The following PCDHGB7 variants were observed in gnomAD, a reference collection of about 807,000 sequenced individuals.
PCDHGB7 encodes the protein protocadherin gamma subfamily B, 7, also known as protocadherin gamma-B7.
PCDHGB7 carries 37 observed loss-of-function variants against 61.4 expected under a neutral mutation model. The ratio of observed to expected loss-of-function variants is 0.60; its 90% CI spans 0.46 to 0.79. The LOEUF (loss-of-function observed/expected upper bound fraction) is 0.79. Among genes scored for constraint, PCDHGB7 ranks in the 30% least tolerant of loss-of-function variants. PCDHGB7 has a pLI of 0.00. For synonymous variants in PCDHGB7, 464 were observed against 503.5 expected, an observed-to-expected ratio of 0.92 and a Z score of 1.05; for missense variants, 1,166 against 1,202.5, an observed-to-expected ratio of 0.97 and a Z score of 0.45.
At chr5:141,447,163 G>T (rs11167747) in intron 1 of PCDHGB7, among the ~76,000 whole-genome samples, 6,233 of 151,894 alleles carry the variant, frequency 0.041, 196 homozygotes, top group Admixed American at 0.075. Flanking sequence ...TGTTTAAGCG[G>T]GGTCTTGCTC....
intron 1 of PCDHGB7, chr5:141,428,180 C>G (rs780780274): frequency 1.3e-6 from 2 of 1,486,274 alleles, no homozygotes; most frequent in East Asian, 2.3e-5. Flanking sequence ...TGACGGAGGA[C>G]AGCCGCCGCT....
Position 141,418,890 on chromosome 5 carries a change from G to C in PCDHGB7, c.1031G>C (p.Ser344Thr), listed in dbSNP as rs1449142412. 6.2e-7 allele frequency: 1 copy of C among 1,613,934 alleles called. No individual in the cohort carries two copies. Among genetic ancestry groups the C allele is most frequent in the South Asian group, 1.1e-5 (1 of 91,078 alleles). ...IVEVVDENDN[S>T]PEIIITSLSD... ...GAAGTTGTAGACGAAAACGACAACA[G>C]CCCAGAAATAATCATCACGTCACTC... is the stretch of plus-strand genomic sequence containing the variant. Residue 344 changes from serine (S) to threonine (T), a missense_variant, in exon 1 of 4, where the codon AGC becomes ACC. Physicochemically the swap from Ser to Thr is moderately conservative, Grantham distance 58 (BLOSUM62 1). Transcript: ENST00000398594.
At chr5:141,483,753 G>A (rs1316976446) in intron 1 of PCDHGB7, among the ~76,000 whole-genome samples, 1 of 152,082 alleles carries the variant, frequency 6.6e-6, no homozygotes, top group Non-Finnish European at 1.5e-5. Flanking sequence ...CCTGAGGATC[G>A]AGGCTTGGAA....
At chr5:141,484,075 C>G (rs1397285710) in intron 1 of PCDHGB7, among the ~76,000 whole-genome samples, 2 of 152,084 alleles carry the variant, frequency 1.3e-5, no homozygotes, top group African/African-American at 4.8e-5. Context: ...AAAGCTTGCT[C>G]TTTTGAAATG....
At chr5:141,445,134 A>T (rs900226020) in intron 1 of PCDHGB7, among the ~76,000 whole-genome samples, 1 of 152,198 alleles carries the variant, frequency 6.6e-6, no homozygotes, top group East Asian at 1.9e-4. Context: ...TTAAAATTGT[A>T]TCTTCTAATT....
rs369323252 is a variant in PCDHGB7 at position 141,487,658 on chromosome 5, G to T, written c.2416-7149G>T. ...TCAACAAATGCTTGAGGGTTATTCT[G>T]ATCCAGGCATATGGCTAGGCCATGT... On this transcript the variant is annotated intron_variant, in intron 1 of 3. Coordinates refer to ENST00000398594, the MANE Select transcript of PCDHGB7 (RefSeq NM_018927.4). This position sits in a 1 kb window ranked among gnomAD's most constrained non-coding sequence, Gnocchi z 5.0. The T allele has an allele frequency of 8.7e-5, 140 of 1,613,508 alleles. No individual in the cohort carries two copies. The highest frequency in any genetic ancestry group is 1.1e-4 in the Non-Finnish European group (134 of 1,179,802).
rs759756007 is a variant in PCDHGB7 at position 141,476,248 on chromosome 5, T to C, written c.2416-18559T>C. 2 of 1,613,856 alleles carry C rather than the reference T, an allele frequency of 1.2e-6. No individual in the cohort carries two copies. Among genetic ancestry groups the C allele is most frequent in the South Asian group, 2.2e-5 (2 of 91,050 alleles). On this transcript the variant is annotated intron_variant, in intron 1 of 3. Transcript: ENST00000398594. The surrounding 1 kb of genome is among the most constrained non-coding windows in gnomAD (Gnocchi z 7.6). The stretch of plus-strand genomic sequence containing the variant: ...AGATCCCGGAGGAAAGAGAGAAGGG[T>C]TTCGCTGTGGGCAACGTGGTCGCGA...
At chr5:141,478,941 A>C (rs889484528) in intron 1 of PCDHGB7, 9 of 589,470 alleles carry the variant, frequency 1.5e-5, no homozygotes, top group Non-Finnish European at 2.0e-5. Context: ...TTCTAGGAAT[A>C]CAAAAACTAC....
In PCDHGB7 at chr5:141,419,605, G is replaced by A; in HGVS notation, c.1746G>A (p.Ala582=). 1 of 1,611,776 alleles carries A rather than the reference G, an allele frequency of 6.2e-7. No individual in the cohort carries two copies. The highest frequency in any genetic ancestry group is 8.5e-7 in the Non-Finnish European group (1 of 1,179,632). The change falls in exon 1 of 4, where the codon GCG becomes GCA. Residue 582 remains alanine, a synonymous_variant. Coordinates refer to ENST00000398594, the MANE Select transcript of PCDHGB7 (RefSeq NM_018927.4). Reference sequence around the variant, plus strand: ...TCTTCGACACAGTGCCGCGGGCCGCGCAGCCAGGCTACCTGGTGACCAAGG... The same window carrying A: ...TCTTCGACACAGTGCCGCGGGCCGCACAGCCAGGCTACCTGGTGACCAAGG... ...SALFDTVPRA[A]QPGYLVTKVV... is the part of the protein sequence containing the mutation.
At chr5:141,472,369 G>A (rs1194465676) in intron 1 of PCDHGB7, among the ~76,000 whole-genome samples, 2 of 151,770 alleles carry the variant, frequency 1.3e-5, no homozygotes, top group Admixed American at 6.6e-5. Flanking sequence ...GTGAAACCCC[G>A]TCTCCACTAA....
chr5:141,477,002 G>A lies in PCDHGB7; in HGVS notation c.2416-17805G>A, dbSNP rs770390597. On this transcript the variant is annotated intron_variant, in intron 1 of 3. Coordinates refer to ENST00000398594, the MANE Select transcript of PCDHGB7 (RefSeq NM_018927.4). The surrounding 1 kb of genome is among the most constrained non-coding windows in gnomAD (Gnocchi z 4.9). ...CCGCGCCGGCGTGCGGCAACTATTC[G>A]CCTTAGACCTTGTAACCGGGATGCT... 6.2e-7 allele frequency: 1 copy of A among 1,614,102 alleles called. No homozygotes were observed. The highest frequency in any genetic ancestry group is 1.3e-5 in the African/African-American group (1 of 74,952).
At chr5:141,422,729 C>G (rs1352451042) in intron 1 of PCDHGB7, 1 of 1,606,960 alleles carries the variant, frequency 6.2e-7, no homozygotes, top group South Asian at 1.1e-5. Flanking sequence ...CAGGGGGTGC[C>G]TCTGTCCTCC....
Position 141,419,105 on chromosome 5 carries a change from C to G in PCDHGB7, c.1246C>G (p.Pro416Ala). 6.2e-7 allele frequency: 1 copy of G among 1,613,918 alleles called. No homozygotes were observed. Among genetic ancestry groups the G allele is most frequent in the Non-Finnish European group, 8.5e-7 (1 of 1,179,890 alleles). Residue 416 changes from proline (P) to alanine (A), a missense_variant, in exon 1 of 4, where the codon CCA becomes GCA. By Grantham distance (27) the Pro-to-Ala change is conservative. Coordinates refer to ENST00000398594, the MANE Select transcript of PCDHGB7 (RefSeq NM_018927.4). ...TDEALDREQT[P>A]EYNVTIAATD... is the part of the protein sequence containing the mutation. ...TGAGGCCCTGGATCGGGAGCAGACC[C>G]CAGAGTACAACGTCACCATCGCAGC...
intron 1 of PCDHGB7, chr5:141,484,966 G>C: frequency 1.7e-6 from 1 of 583,968 alleles, no homozygotes. Context: ...GAGCCCGGGA[G>C]CCGCTGTCTG....
At chr5:141,450,815 A>T (rs183350620) in intron 1 of PCDHGB7, among the ~76,000 whole-genome samples, 1,650 of 126,706 alleles carry the variant, frequency 0.013, 15 homozygotes, top group African/African-American at 0.032. Context: ...TATTTATTTA[A>T]TATTATTATT....
chr5:141,478,428 C>T (rs2154576655), intron 1 of PCDHGB7: 1 of 1,613,746 alleles, frequency 6.2e-7, no homozygotes, highest in Non-Finnish European at 8.5e-7. Flanking sequence ...CGCAGCGACC[C>T]GCTGCTGAAG....
At chr5:141,504,743 G>A (rs924744762) in intron 2 of PCDHGB7, among the ~76,000 whole-genome samples, 5 of 151,982 alleles carry the variant, frequency 3.3e-5, no homozygotes, top group African/African-American at 9.7e-5. Context: ...GGAAGCCATT[G>A]AATTTTAGAA....
Position 141,501,335 on chromosome 5 carries a change from C to A in PCDHGB7, c.2475-4058C>A, listed in dbSNP as rs977626682. 1.5e-4 allele frequency among the ~76,000 whole-genome samples: 20 copies of A among 135,718 alleles called. No individual in the cohort carries two copies. In the East Asian group the frequency reaches 2.2e-3, roughly 15 times the overall value. The allele number at this position is 135,718 out of a possible 152,430, so 89.0% of individuals were successfully genotyped here. The stretch of plus-strand genomic sequence containing the variant: ...CACACACACACACACACACACACAC[C>A]CCAAACTCAATAGGGCAAGAACCAT... On this transcript the variant is annotated intron_variant, in intron 2 of 3. Transcript: ENST00000398594.
chr5:141,439,310 A>G lies in PCDHGB7; in HGVS notation c.2415+19036A>G, dbSNP rs775009481. ...TCCATGGAAAAAGTAAAGCCCAGGCATGGAAGTGGGAATGGAAAGAAAGAT... is the reference window on the plus strand; with the variant it reads ...TCCATGGAAAAAGTAAAGCCCAGGCGTGGAAGTGGGAATGGAAAGAAAGAT... On this transcript the variant is annotated intron_variant, in intron 1 of 3. Transcript: ENST00000398594. 1.6e-4 allele frequency among the ~76,000 whole-genome samples: 24 copies of G among 152,320 alleles called. No homozygotes were observed. In the South Asian group the frequency reaches 4.1e-3, roughly 26 times the overall value.
Sources: allele counts gnomAD v4.1 joint callset (sites outside exome capture counted in the v4.1 genomes callset), GRCh38; gene constraint gnomAD v4.1.1; non-coding constraint Gnocchi (gnomAD v3.1); transcripts MANE v1.5; gene names NCBI Gene and HGNC (gene_info 2026-07-23, HGNC 2026-07-21).